STOX2: variants seen among roughly 807,000 people sequenced by gnomAD.
STOX2 encodes the protein storkhead box 2.
STOX2 carries 28 observed loss-of-function variants against 60.9 expected under a neutral mutation model. The observed-to-expected ratio is 0.46, with a 90% CI of 0.34 to 0.63. The LOEUF is 0.63. STOX2 is among the 30% of genes least tolerant of loss of function. STOX2 has a pLI of 0.01. For missense variants in STOX2, 1,024 were observed against 1,187.7 expected (o/e 0.86, Z 2.03); for synonymous variants, 472 against 463.9 (o/e 1.02, Z -0.22).
intron 2 of STOX2, among the ~76,000 whole-genome samples, chr4:184,003,081 C>T (rs1055668679): frequency 3.9e-5 from 6 of 152,266 alleles, no homozygotes; most frequent in South Asian, 4.1e-4. Context: ...AAACAGAATC[C>T]CAGGTGAGAG....
rs185260575 is a variant in STOX2, at chr4:183,948,072, G to A, written c.166+41116G>A. Among the ~76,000 whole-genome samples, 5 of 152,116 alleles carry A rather than the reference G, an allele frequency of 3.3e-5. No homozygotes were observed. In the East Asian group the frequency reaches 7.7e-4, roughly 23 times the overall value. The stretch of plus-strand genomic sequence containing the variant: ...TCTCTACTAAAAATACAAAAAGTTA[G>A]CTGGTCGTGGTGGCTCACGCCTGTA... On this transcript the variant is annotated intron_variant, in intron 1 of 3. Transcript: ENST00000308497.
intron 1 of STOX2, among the ~76,000 whole-genome samples, chr4:183,929,842 C>G (rs958949115): frequency 1.3e-5 from 2 of 152,150 alleles, no homozygotes; most frequent in African/African-American, 4.8e-5. Flanking sequence ...ATATTACAAC[C>G]AATTATCCTA....
At chr4:183,814,516 C>T (rs1222707030) in intron 1 of STOX2, among the ~76,000 whole-genome samples, 1 of 152,192 alleles carries the variant, frequency 6.6e-6, no homozygotes, top group African/African-American at 2.4e-5. Context: ...GGGACTGCAT[C>T]GGGACCAGGT....
Position 183,939,784 on chromosome 4 carries a change from G to A in STOX2, c.166+32828G>A, listed in dbSNP as rs541146125. On this transcript the variant is annotated intron_variant, in intron 1 of 3. Transcript: ENST00000308497. The stretch of plus-strand genomic sequence containing the variant: ...GGGATGTGCTTCTTAACTTCTCCGC[G>A]TCCCAGTTTCCTCATCTGCAAGATG... Among the ~76,000 whole-genome samples the A allele has an allele frequency of 7.6e-4, 116 of 152,138 alleles. 2 individuals carry two copies. The South Asian group carries it at 0.02, about 26-fold the overall frequency.
Position 184,009,547 on chromosome 4 carries a change from A to C in STOX2, c.709A>C (p.Thr237Pro), listed in dbSNP as rs1259540586. 1 of 1,613,840 alleles carries C rather than the reference A, an allele frequency of 6.2e-7. No individual in the cohort carries two copies. The highest frequency in any genetic ancestry group is 1.7e-5 in the Admixed American group (1 of 59,992). ...CCCTTCTCTGTGCCAGGTGCCACCC[A>C]CTGAAAAGAGCAAAAGTACTGTAAA... ...CPPSLCQVPP[T>P]EKSKSTVNFS... The change falls in exon 3 of 4, where the codon ACT becomes CCT. Residue 237 changes from threonine to proline, a missense_variant. Thr to Pro is a conservative substitution (Grantham distance 38). Coordinates refer to ENST00000308497, the MANE Select transcript of STOX2 (RefSeq NM_020225.3). The surrounding 1 kb of genome is among the most constrained non-coding windows in gnomAD (Gnocchi z 4.0).
At chr4:183,935,920 A>G (rs1402658198) in intron 1 of STOX2, among the ~76,000 whole-genome samples, 2 of 152,244 alleles carry the variant, frequency 1.3e-5, no homozygotes, top group Admixed American at 1.3e-4. Flanking sequence ...AAAACCTGAT[A>G]TACAGTACTT....
At chr4:183,932,828 T>C (rs932475168) in intron 1 of STOX2, among the ~76,000 whole-genome samples, 1 of 152,194 alleles carries the variant, frequency 6.6e-6, no homozygotes, top group Non-Finnish European at 1.5e-5. Flanking sequence ...CTGTGGAAGA[T>C]GTGGGTGTTT....
intron 1 of STOX2, among the ~76,000 whole-genome samples, chr4:183,887,568 C>T (rs1162253049): frequency 6.6e-6 from 1 of 152,168 alleles, no homozygotes; most frequent in Non-Finnish European, 1.5e-5. Context: ...GAGCGCCCTG[C>T]ATGCACGCTC....
rs770894048 is a variant in STOX2, at chr4:184,009,689, C to T, written c.851C>T (p.Ala284Val). The part of the protein sequence containing the change: ...SFKKDKTKQL[A>V]NFSAQFPPEE... ...AAAAAAGACAAGACCAAACAGCTGG[C>T]CAATTTTTCTGCCCAGTTTCCTCCT... is the stretch of plus-strand genomic sequence containing the variant. The change falls in exon 3 of 4, where the codon GCC (alanine) becomes GTC (valine). Residue 284 changes from alanine to valine, a missense_variant. Ala to Val is a moderately conservative substitution (Grantham distance 64). Transcript: ENST00000308497. This position sits in a 1 kb window ranked among gnomAD's most constrained non-coding sequence, Gnocchi z 4.0. 1 of 1,613,820 alleles carries T rather than the reference C, an allele frequency of 6.2e-7. No homozygotes were observed. Among genetic ancestry groups the T allele is most frequent in the Non-Finnish European group, 8.5e-7 (1 of 1,179,882 alleles).
intron 1 of STOX2, among the ~76,000 whole-genome samples, chr4:183,971,547 T>C (rs1743743130): frequency 6.6e-6 from 1 of 152,192 alleles, no homozygotes; most frequent in South Asian, 2.1e-4. Context: ...AAGAAAATAG[T>C]TGGCCAAAGA....
intron 1 of STOX2, among the ~76,000 whole-genome samples, chr4:183,929,446 G>A (rs1043744774): frequency 2.0e-5 from 3 of 152,132 alleles, no homozygotes; most frequent in Admixed American, 6.5e-5. Flanking sequence ...ATGACATTAC[G>A]TGTAGTATGT....
chr4:183,898,231 A>G (rs771116735), intron 1 of STOX2, among the ~76,000 whole-genome samples: 2 of 152,092 alleles, frequency 1.3e-5, no homozygotes, highest in Admixed American at 1.3e-4. Context: ...GAAACACAGT[A>G]TGGCGGTGGA....
At chr4:183,971,480 G>A (rs1334823907) in intron 1 of STOX2, among the ~76,000 whole-genome samples, 1 of 152,176 alleles carries the variant, frequency 6.6e-6, no homozygotes, top group Non-Finnish European at 1.5e-5. Flanking sequence ...GGGTGGACTT[G>A]AGGAAAGAGA....
chr4:183,943,020 A>G (rs368338899), intron 1 of STOX2, among the ~76,000 whole-genome samples: 28 of 152,328 alleles, frequency 1.8e-4, no homozygotes, highest in African/African-American at 5.1e-4. Context: ...TGAATCTGGG[A>G]TACAGTCAGC....
intron 1 of STOX2, chr4:183,798,089 T>A: frequency 8.2e-7 from 1 of 1,224,146 alleles, no homozygotes; most frequent in Non-Finnish European, 1.0e-6. Flanking sequence ...GTCCCGTCCC[T>A]TCCCACCGGA....
Position 184,022,580 on chromosome 4 carries a change from C to G in STOX2, c.*5296C>G, listed in dbSNP as rs1319043401. 6.6e-6 allele frequency: 1 copy of G among 152,156 alleles called. No homozygotes were observed. Among genetic ancestry groups the G allele is most frequent in the Non-Finnish European group, 1.5e-5 (1 of 68,092 alleles). The allele number at this position is 152,156 out of a possible 1,614,324, so 9.4% of individuals were successfully genotyped here. ...AAGGAGGGAATGGGGTGTTTCAAGT[C>G]AGGCAGCGATGATTCTGGAAGGTTG... On this transcript the variant is annotated 3_prime_UTR_variant, in exon 4 of 4. Coordinates refer to ENST00000308497, the MANE Select transcript of STOX2 (RefSeq NM_020225.3).
chr4:183,934,994 G>A (rs7673104), intron 1 of STOX2, among the ~76,000 whole-genome samples: 98,612 of 152,218 alleles, frequency 0.65, 37,528 homozygotes, highest in Non-Finnish European at 0.86. Flanking sequence ...ACAATTTTCT[G>A]AAACAAGAAT....
intron 2 of STOX2, among the ~76,000 whole-genome samples, chr4:184,007,057 T>C (rs1001729544): frequency 2.6e-5 from 4 of 151,290 alleles, no homozygotes; most frequent in African/African-American, 9.7e-5. Context: ...AATTTTGTTA[T>C]TATTGGTCTT....
intron 1 of STOX2, among the ~76,000 whole-genome samples, chr4:183,938,314 A>G (rs1742644927): frequency 6.6e-6 from 1 of 152,240 alleles, no homozygotes. Flanking sequence ...TAGCATTGCC[A>G]TCATCCAGTT....
Sources: gnomAD v4.1 joint callset for allele counts (sites outside exome capture counted in the v4.1 genomes callset) on GRCh38, gnomAD v4.1.1 for gene constraint, Gnocchi (gnomAD v3.1) non-coding constraint, MANE v1.5 for transcripts, NCBI Gene and HGNC (gene_info 2026-07-23, HGNC 2026-07-21) for gene names.